MCC: variants seen among roughly 807,000 people sequenced by gnomAD.
MCC encodes colorectal mutant cancer protein.
A neutral mutation model predicts 116.2 loss-of-function variants in MCC; 90 were observed. That is an observed-to-expected ratio of 0.77 (90% CI 0.65 to 0.92). The LOEUF is 0.92. Among genes scored for constraint, MCC ranks in the 40% least tolerant of loss-of-function variants. The pLI, the probability that MCC is intolerant of heterozygous loss-of-function variation, is 0.00. For synonymous variants in MCC, 578 were observed against 510.5 expected, an observed-to-expected ratio of 1.13 and a Z score of -1.78; for missense variants, 1,516 against 1,312.2, an observed-to-expected ratio of 1.16 and a Z score of -2.40.
At chr5:113,082,739 GCCTGACGGTACTGCTC>G in intron 11 of MCC, 105 bp downstream of exon 11, 1 of 1,229,294 alleles carries the variant, frequency 8.1e-7, no homozygotes, top group Non-Finnish European at 1.1e-6. Context: ...ATCCCCACCA[GCCTGACGGTACTGCTC>G]TATGTCACAA....
intron 3 of MCC, among the ~76,000 whole-genome samples, chr5:113,257,192 G>A (rs897048569): frequency 6.6e-6 from 1 of 152,144 alleles, no homozygotes; most frequent in Admixed American, 6.5e-5. Context: ...TGGGCTTTTG[G>A]CATATACTCC....
At chr5:113,033,270 A>G (rs1214158050) in intron 17 of MCC, among the ~76,000 whole-genome samples, 2 of 152,342 alleles carry the variant, frequency 1.3e-5, no homozygotes, top group African/African-American at 2.4e-5. Context: ...GGCAAGCTTG[A>G]GGGACTGGCG....
intron 8 of MCC, among the ~76,000 whole-genome samples, chr5:113,087,241 C>G (rs1454352026): frequency 1.3e-5 from 2 of 152,144 alleles, no homozygotes; most frequent in Non-Finnish European, 2.9e-5. Flanking sequence ...ATATTAGAAG[C>G]TAAAATAGGA....
chr5:113,163,636 A>G (rs1226488107), intron 3 of MCC, among the ~76,000 whole-genome samples: 1 of 152,188 alleles, frequency 6.6e-6, no homozygotes, highest in Non-Finnish European at 1.5e-5. Flanking sequence ...ATGAACAAGA[A>G]GAACTGTACC....
chr5:113,332,742 A>G (rs943794014), intron 3 of MCC, among the ~76,000 whole-genome samples: 3 of 151,614 alleles, frequency 2.0e-5, no homozygotes, highest in Non-Finnish European at 4.4e-5. Flanking sequence ...TTGTATCTCT[A>G]CCAAACAAAA....
chr5:113,190,364 G>A (rs79169382), intron 3 of MCC, among the ~76,000 whole-genome samples: 1 of 152,190 alleles, frequency 6.6e-6, no homozygotes, highest in African/African-American at 2.4e-5. Flanking sequence ...CGCTTCCCTA[G>A]ATCCAGGCTC....
chr5:113,066,417 C>A (rs896459789), intron 13 of MCC, among the ~76,000 whole-genome samples: 2 of 151,926 alleles, frequency 1.3e-5, no homozygotes, highest in Non-Finnish European at 2.9e-5. Flanking sequence ...GTTAAAAGAC[C>A]CTGAAAAATG....
At chr5:113,282,047 T>C (rs902422709) in intron 3 of MCC, among the ~76,000 whole-genome samples, 1 of 152,214 alleles carries the variant, frequency 6.6e-6, no homozygotes, top group African/African-American at 2.4e-5. Flanking sequence ...TTATTATCAC[T>C]ACTTTATAAC....
chr5:113,276,349 A>C (rs1028879081), intron 3 of MCC, among the ~76,000 whole-genome samples: 1 of 152,264 alleles, frequency 6.6e-6, no homozygotes, highest in East Asian at 1.9e-4. Flanking sequence ...TCTTTGGATT[A>C]TTTTACAAAG....
intron 3 of MCC, among the ~76,000 whole-genome samples, chr5:113,322,844 G>A (rs1161369648): frequency 6.6e-6 from 1 of 152,200 alleles, no homozygotes; most frequent in African/African-American, 2.4e-5. Flanking sequence ...CAGCCTCCAA[G>A]ATAGCCTACA....
intron 8 of MCC, among the ~76,000 whole-genome samples, chr5:113,092,204 T>G (rs1302764535): frequency 6.6e-6 from 1 of 151,884 alleles, no homozygotes. Context: ...GGGTAGAGTA[T>G]CATGGATCAT....
At chr5:113,137,148 T>C (rs1276110039) in intron 5 of MCC, among the ~76,000 whole-genome samples, 1 of 152,136 alleles carries the variant, frequency 6.6e-6, no homozygotes, top group South Asian at 2.1e-4. Flanking sequence ...CTTATAATCA[T>C]GGTGGAAGGG....
chr5:113,402,015 C>A (rs1769700986), intron 1 of MCC, among the ~76,000 whole-genome samples: 1 of 151,772 alleles, frequency 6.6e-6, no homozygotes, highest in Non-Finnish European at 1.5e-5. Context: ...ACACTCAGGG[C>A]CGGGCGCGGT....
intron 3 of MCC, among the ~76,000 whole-genome samples, chr5:113,330,182 C>A (rs145850808): frequency 6.6e-6 from 1 of 152,314 alleles, no homozygotes; most frequent in Non-Finnish European, 1.5e-5. Context: ...AGTTTCTGTA[C>A]CTGACTTTTG....
At chr5:113,091,885 C>CACACAT (rs1755669637) in intron 8 of MCC, among the ~76,000 whole-genome samples, 1 of 147,274 alleles carries the variant, frequency 6.8e-6, no homozygotes, top group Non-Finnish European at 1.5e-5. Context: ...GAGACTCAGA[C>CACACAT]ACACACACAC....
At chr5:113,210,096 C>T (rs1479092292) in intron 3 of MCC, among the ~76,000 whole-genome samples, 1 of 152,126 alleles carries the variant, frequency 6.6e-6, no homozygotes. Context: ...TCATTAGGCT[C>T]TTGTAGCACA....
At chr5:113,086,707 T>C (rs1394338430) in intron 8 of MCC, among the ~76,000 whole-genome samples, 1 of 152,080 alleles carries the variant, frequency 6.6e-6, no homozygotes, top group Non-Finnish European at 1.5e-5. Flanking sequence ...AGCATGAGAG[T>C]GCAGTGTCTA....
chr5:113,146,120 T>TA (rs67589184), intron 4 of MCC, among the ~76,000 whole-genome samples: 79,021 of 151,706 alleles, frequency 0.52, 22,750 homozygotes, highest in East Asian at 0.72. Flanking sequence ...CCGTAAGTTT[T>TA]AAAAAAATAG....
At chr5:113,163,841 G>T (rs1251867735) in intron 3 of MCC, among the ~76,000 whole-genome samples, 1 of 152,000 alleles carries the variant, frequency 6.6e-6, no homozygotes, top group Non-Finnish European at 1.5e-5. Context: ...TTTTAATATA[G>T]TATTATTTTT....
Sources: allele counts gnomAD v4.1 joint callset (sites outside exome capture counted in the v4.1 genomes callset), GRCh38; gene constraint gnomAD v4.1.1; transcripts MANE v1.5; gene names NCBI Gene and HGNC (gene_info 2026-07-23, HGNC 2026-07-21).